The following PABPC1L variants were observed in gnomAD, a reference collection of about 807,000 sequenced individuals.
PABPC1L encodes polyadenylate-binding protein 1-like.
In PABPC1L, 31 loss-of-function variants were observed where a neutral mutation model predicts 66.6. The observed-to-expected ratio is 0.47, with a 90% CI of 0.35 to 0.63. The LOEUF (loss-of-function observed/expected upper bound fraction) is 0.63. Among genes scored for constraint, PABPC1L ranks in the 20% least tolerant of loss-of-function variants. PABPC1L has a pLI of 0.00. For synonymous variants in PABPC1L, 348 were observed against 335.1 expected (o/e 1.04, Z -0.42); for missense variants, 722 against 848.8 (o/e 0.85, Z 1.86).
At chr20:44,913,106 T>G (rs1164309082) in intron 2 of PABPC1L, among the ~76,000 whole-genome samples, 1 of 152,234 alleles carries the variant, frequency 6.6e-6, no homozygotes, top group Non-Finnish European at 1.5e-5. Flanking sequence ...AATCATTTAT[T>G]TAGCTAATAA....
chr20:44,914,211 T>TTTC (rs2066723666), intron 2 of PABPC1L, among the ~76,000 whole-genome samples: 1 of 147,488 alleles, frequency 6.8e-6, no homozygotes, highest in Non-Finnish European at 1.5e-5. Context: ...GAACTTTTTT[T>TTTC]TTTTTTTTTT....
In PABPC1L at chr20:44,910,187, T is replaced by C. The variant is rs373130298; in HGVS notation, c.44T>C (p.Val15Ala). The C allele has an allele frequency of 2.5e-6, 4 of 1,581,202 alleles. No individual in the cohort carries two copies. The highest frequency in any genetic ancestry group is 2.6e-6 in the Non-Finnish European group (3 of 1,164,126). ...GSGYPLASLY[V>A]GDLHPDVTEA... ...GGCTACCCGCTTGCCTCGCTTTACG[T>C]GGGCGATCTGCACCCCGACGTGACC... The change falls in exon 1 of 15, where the codon GTG (valine) becomes GCG (alanine). Residue 15 changes from valine to alanine, a missense_variant. Val to Ala is a moderately conservative substitution (Grantham distance 64). Around this residue, in one of 3 missense-constraint regions of PABPC1L, gnomAD observed 284 missense variants for 294.8 expected, o/e 0.96. Transcript: ENST00000217073.
chr20:44,930,617 T>C lies in PABPC1L; in HGVS notation c.1130T>C (p.Ile377Thr). ...LAQRKEERKA[I>T]LTNQYMQRLS... is the part of the protein sequence containing the mutation. The stretch of plus-strand genomic sequence containing the variant: ...CAGCGCAAAGAGGAGCGGAAGGCCA[T>C]CTTGACCAACCAGTACATGCAGCGC... Residue 377 changes from isoleucine to threonine, a missense_variant, in exon 8 of 15, where the codon ATC (isoleucine) becomes ACC (threonine). Coordinates refer to ENST00000217073, the MANE Select transcript of PABPC1L (RefSeq NM_001372179.1). 6.2e-7 allele frequency: 1 copy of C among 1,614,200 alleles called. No individual in the cohort carries two copies. The highest frequency in any genetic ancestry group is 1.1e-5 in the South Asian group (1 of 91,080).
rs1010096244 is a variant in PABPC1L, at chr20:44,922,777, A to C, written c.876+1046A>C. On this transcript the variant is annotated intron_variant, in intron 6 of 14. Coordinates refer to ENST00000217073, the MANE Select transcript of PABPC1L (RefSeq NM_001372179.1). The stretch of plus-strand genomic sequence containing the variant: ...ACATACTCAGTAGTTCTCAGTGAGG[A>C]GCAGTTTTGCCTCCTGGGGGACATT... Among the ~76,000 whole-genome samples the C allele has an allele frequency of 2.0e-5, 3 of 152,194 alleles. 1 individual carries two copies. In the South Asian group the frequency reaches 6.2e-4, roughly 32 times the overall value.
chr20:44,925,179 C>T (rs2066800707), intron 7 of PABPC1L, among the ~76,000 whole-genome samples: 1 of 146,562 alleles, frequency 6.8e-6, no homozygotes, highest in Admixed American at 6.9e-5. Flanking sequence ...TGCCACTGCA[C>T]TCCAGCCTGG....
At chr20:44,920,804 C>A (rs189904633) in intron 5 of PABPC1L, among the ~76,000 whole-genome samples, 11 of 151,082 alleles carry the variant, frequency 7.3e-5, no homozygotes, top group Admixed American at 7.3e-4. Context: ...ATTTGCAAAT[C>A]TCAATTTTAT....
At chr20:44,922,832 T>TG (rs1346759655) in intron 6 of PABPC1L, among the ~76,000 whole-genome samples, 1 of 152,154 alleles carries the variant, frequency 6.6e-6, no homozygotes, top group African/African-American at 2.4e-5. Flanking sequence ...CATTGTCGTG[T>TG]GGGTGGTGGG....
intron 2 of PABPC1L, among the ~76,000 whole-genome samples, chr20:44,915,824 A>C (rs1311875244): frequency 6.6e-6 from 1 of 151,706 alleles, no homozygotes; most frequent in Non-Finnish European, 1.5e-5. Flanking sequence ...AAAAAATTGA[A>C]ATGAGTCTGT....
At chr20:44,920,628 C>T (rs2066766217) in intron 5 of PABPC1L, among the ~76,000 whole-genome samples, 1 of 151,746 alleles carries the variant, frequency 6.6e-6, no homozygotes, top group African/African-American at 2.4e-5. Context: ...GCCACCATGC[C>T]CGGCTAATTT....
At chr20:44,937,312 C>T (rs558272762) in intron 12 of PABPC1L, 10 of 272,596 alleles carry the variant, frequency 3.7e-5, no homozygotes, top group East Asian at 2.1e-4. Flanking sequence ...GCATGGCCCC[C>T]GAGACCTCCA....
chr20:44,926,436 G>C (rs868449845), intron 7 of PABPC1L, among the ~76,000 whole-genome samples: 10 of 151,132 alleles, frequency 6.6e-5, no homozygotes, highest in Non-Finnish European at 3.0e-5. Context: ...TGTGTTGGCC[G>C]GGCTGGTCTC....
chr20:44,913,613 G>C (rs569159806), intron 2 of PABPC1L, among the ~76,000 whole-genome samples: 1 of 152,152 alleles, frequency 6.6e-6, no homozygotes, highest in South Asian at 2.1e-4. Flanking sequence ...TGGAGACAGG[G>C]TGGGTTTCAC....
At chr20:44,926,405 T>G (rs1206444165) in intron 7 of PABPC1L, among the ~76,000 whole-genome samples, 2 of 151,470 alleles carry the variant, frequency 1.3e-5, no homozygotes, top group African/African-American at 2.4e-5. Flanking sequence ...TTTTGTATTT[T>G]TAGTAGAGAC....
intron 7 of PABPC1L, among the ~76,000 whole-genome samples, chr20:44,927,056 T>A (rs897442492): frequency 2.4e-4 from 36 of 151,510 alleles, no homozygotes; most frequent in African/African-American, 8.7e-4. Context: ...AAAAAAAAAT[T>A]TTTTTTTGGT....
At chr20:44,918,858 A>G in intron 3 of PABPC1L, 48 bp from the exon 4 acceptor site, 1 of 1,527,366 alleles carries the variant, frequency 6.5e-7, no homozygotes, top group Non-Finnish European at 8.8e-7. Flanking sequence ...GGGGTGGCTG[A>G]TGGCTGGTAG....
Position 44,938,720 on chromosome 20 carries a change from A to G in PABPC1L, c.1838A>G (p.Gln613Arg). 6.2e-7 allele frequency: 1 copy of G among 1,612,236 alleles called. No homozygotes were observed. The highest frequency in any genetic ancestry group is 8.5e-7 in the Non-Finnish European group (1 of 1,179,338). Residue 613 changes from glutamine to arginine, a missense_variant, in exon 14 of 15, where the codon CAG becomes CGG. Physicochemically the swap from Gln to Arg is conservative, Grantham distance 43. Coordinates refer to ENST00000217073, the MANE Select transcript of PABPC1L (RefSeq NM_001372179.1). Reference sequence around the variant, plus strand: ...CTGCAGGCACACCAGGCTATGGAGCAGCCGAAGGCGTACATGCACTGAAAC... The same window carrying G: ...CTGCAGGCACACCAGGCTATGGAGCGGCCGAAGGCGTACATGCACTGAAAC... Reference protein sequence around the residue: ...AVLQAHQAMEQPKAYMH With the variant: ...AVLQAHQAMERPKAYMH
rs554582609 is a variant in PABPC1L at position 44,917,594 on chromosome 20, C to T, written c.503+723C>T. On this transcript the variant is annotated intron_variant, in intron 3 of 14. Transcript: ENST00000217073. ...CCTGCCCTCATCATACTGTTAACTT[C>T]GATATCATCCCCACTACACAGATGG... Among the ~76,000 whole-genome samples the T allele has an allele frequency of 8.5e-5, 13 of 152,220 alleles. No homozygotes were observed. The South Asian group carries it at 2.3e-3, about 27-fold the overall frequency.
chr20:44,915,829 G>A (rs1031295309), intron 2 of PABPC1L, among the ~76,000 whole-genome samples: 9 of 151,090 alleles, frequency 6.0e-5, no homozygotes, highest in Non-Finnish European at 4.4e-5. Context: ...ATTGAAATGA[G>A]TCTGTTGTTG....
intron 11 of PABPC1L, 124 bp from the exon 12 acceptor site, chr20:44,936,513 C>T: frequency 1.4e-6 from 1 of 739,606 alleles, no homozygotes. Context: ...CCTGATCATC[C>T]AGACCTTGCC....
Sources: allele counts gnomAD v4.1 joint callset (sites outside exome capture counted in the v4.1 genomes callset), GRCh38; gene constraint gnomAD v4.1.1; regional missense constraint gnomAD v4.1.1; transcripts MANE v1.5; gene names NCBI Gene and HGNC (gene_info 2026-07-23, HGNC 2026-07-21).